TAOK3: variants seen among roughly 807,000 people sequenced by gnomAD.
The protein encoded by TAOK3 is serine/threonine-protein kinase TAO3.
TAOK3 carries 40 observed loss-of-function variants against 120.4 expected under a neutral mutation model. That is an observed-to-expected ratio of 0.33 (90% CI 0.26 to 0.43). TAOK3 has a LOEUF of 0.43. Among genes scored for constraint, TAOK3 ranks in the 20% least tolerant of loss-of-function variants. TAOK3 has a pLI of 1.00. For synonymous variants in TAOK3, 355 were observed against 387.5 expected (o/e 0.92, Z 0.99); for missense variants, 821 against 1,112.1 (o/e 0.74, Z 3.72).
intron 1 of TAOK3, among the ~76,000 whole-genome samples, chr12:118,310,054 C>T (rs988278180): frequency 3.0e-4 from 46 of 152,168 alleles, no homozygotes; most frequent in African/African-American, 8.7e-4. Context: ...GCAGGCAGAT[C>T]GCTTGAGCCC....
At position 118,161,196 on chromosome 12, in the gene TAOK3, C is replaced by T. The variant is rs1382164409; in HGVS notation, c.2139+592G>A. ...TGTGGCAACACTGACAACGTCCTCCCGGATATATAGCAATGGCTTAGTACA... is the reference window on the plus strand; with the variant it reads ...TGTGGCAACACTGACAACGTCCTCCTGGATATATAGCAATGGCTTAGTACA... On this transcript the variant is annotated intron_variant, in intron 18 of 20. Coordinates refer to ENST00000392533, the MANE Select transcript of TAOK3 (RefSeq NM_016281.4). The surrounding 1 kb of genome is among the most constrained non-coding windows in gnomAD (Gnocchi z 4.5). 1.3e-5 allele frequency among the ~76,000 whole-genome samples: 2 copies of T among 152,260 alleles called. No homozygotes were observed. The highest frequency in any genetic ancestry group is 3.4e-3 in the Middle Eastern group (1 of 294).
chr12:118,344,813 T>C lies in TAOK3; in HGVS notation c.-194+27835A>G, dbSNP rs957803328. Among the ~76,000 whole-genome samples the C allele has an allele frequency of 2.0e-5, 3 of 152,218 alleles. No individual in the cohort carries two copies. In the East Asian group the frequency reaches 5.8e-4, roughly 29 times the overall value. On this transcript the variant is annotated intron_variant, in intron 1 of 20. Coordinates refer to ENST00000392533, the MANE Select transcript of TAOK3 (RefSeq NM_016281.4). ...TTATTTTCTGATAATTAATAACATTTATTTTTATTTTTCTCATGCTTTTTC... is the reference window on the plus strand; with the variant it reads ...TTATTTTCTGATAATTAATAACATTCATTTTTATTTTTCTCATGCTTTTTC...
chr12:118,229,045 A>G (rs2039638550), intron 9 of TAOK3, among the ~76,000 whole-genome samples: 2 of 149,594 alleles, frequency 1.3e-5, no homozygotes, highest in Admixed American at 6.7e-5. Context: ...CCTCAGCTTC[A>G]CTTAATCATA....
intron 1 of TAOK3, among the ~76,000 whole-genome samples, chr12:118,340,713 A>G (rs2044579719): frequency 1.3e-5 from 2 of 152,018 alleles, no homozygotes; most frequent in Non-Finnish European, 2.9e-5. Context: ...ATTTTGAAAC[A>G]AATCCTAAAT....
At chr12:118,166,865 C>T (rs1297935806) in intron 17 of TAOK3, among the ~76,000 whole-genome samples, 1 of 151,372 alleles carries the variant, frequency 6.6e-6, no homozygotes, top group Non-Finnish European at 1.5e-5. Context: ...CACACACACA[C>T]ACACACGTAT....
intron 19 of TAOK3, chr12:118,152,903 C>G (rs148934260): frequency 6.5e-6 from 1 of 153,484 alleles, no homozygotes; most frequent in African/African-American, 2.4e-5. Flanking sequence ...TAGTGGTTAT[C>G]ATTATTTCGG....
intron 13 of TAOK3, among the ~76,000 whole-genome samples, chr12:118,191,842 C>T (rs545258746): frequency 3.9e-5 from 6 of 152,190 alleles, no homozygotes; most frequent in Non-Finnish European, 7.4e-5. Flanking sequence ...CTCTTAAATG[C>T]CAGTAATCAA....
chr12:118,206,810 T>C (rs2038341874), intron 11 of TAOK3, among the ~76,000 whole-genome samples: 2 of 151,876 alleles, frequency 1.3e-5, no homozygotes, highest in South Asian at 2.1e-4. Context: ...TTGGCCAAGA[T>C]GGTCTCAATC....
At chr12:118,343,555 C>T (rs1328468969) in intron 1 of TAOK3, among the ~76,000 whole-genome samples, 1 of 151,998 alleles carries the variant, frequency 6.6e-6, no homozygotes, top group Non-Finnish European at 1.5e-5. Flanking sequence ...TTGATATGTG[C>T]AGGGAACTGT....
chr12:118,309,750 A>G (rs936776429), intron 1 of TAOK3, among the ~76,000 whole-genome samples: 2 of 151,922 alleles, frequency 1.3e-5, no homozygotes, highest in South Asian at 4.2e-4. Context: ...TCCTGACCTC[A>G]GGTGATCTGC....
chr12:118,161,746 C>A lies in TAOK3; in HGVS notation c.2139+42G>T. The stretch of plus-strand genomic sequence containing the variant: ...GACTCTGACACTTCAGGTAGAGAAA[C>A]CACTGATCTGGTCCAACACTGTCCA... On this transcript the variant is annotated intron_variant, in intron 18 of 20. Transcript: ENST00000392533. This position sits in a 1 kb window ranked among gnomAD's most constrained non-coding sequence, Gnocchi z 4.5. The A allele has an allele frequency of 6.2e-7, 1 of 1,605,244 alleles. No individual in the cohort carries two copies. The highest frequency in any genetic ancestry group is 8.5e-7 in the Non-Finnish European group (1 of 1,173,962).
At chr12:118,251,694 G>C (rs548576889) in intron 3 of TAOK3, among the ~76,000 whole-genome samples, 19 of 152,236 alleles carry the variant, frequency 1.2e-4, no homozygotes, top group East Asian at 9.6e-4. Context: ...TAAACCACTA[G>C]GTCTTCTGCA....
intron 1 of TAOK3, among the ~76,000 whole-genome samples, chr12:118,275,603 C>G (rs1319669571): frequency 6.6e-6 from 1 of 152,140 alleles, no homozygotes; most frequent in Non-Finnish European, 1.5e-5. Context: ...CTAACATTTT[C>G]TTCAATTACT....
chr12:118,300,863 C>A lies in TAOK3; in HGVS notation c.-193-34104G>T, dbSNP rs573503727. On this transcript the variant is annotated intron_variant, in intron 1 of 20. Transcript: ENST00000392533. ...CAATCTTGGCTCACTACCACCTCTG[C>A]CTCCTGGGTTCAAGCGATTCTCCTG... Among the ~76,000 whole-genome samples, 448 of 152,164 alleles carry A rather than the reference C, an allele frequency of 2.9e-3. 3 individuals carry two copies. Among genetic ancestry groups the A allele is most frequent in the African/African-American group, 0.011 (439 of 41,510 alleles).
rs1003648250 is a variant in TAOK3 at position 118,172,381 on chromosome 12, G to C, written c.1899+76C>G. 2.0e-6 allele frequency: 3 copies of C among 1,475,630 alleles called. No individual in the cohort carries two copies. In the South Asian group the frequency reaches 3.4e-5, roughly 17 times the overall value. 91.4% of individuals were successfully genotyped at this position (1,475,630 alleles called of 1,614,324 possible). ...AGGCTAGGGATATAGGAATGGACCA[G>C]GCAGACATGGTCACAAGCCTCACAT... On this transcript the variant is annotated intron_variant, in intron 17 of 20. Transcript: ENST00000392533.
intron 1 of TAOK3, among the ~76,000 whole-genome samples, chr12:118,318,283 A>G (rs1298324679): frequency 1.3e-5 from 2 of 151,348 alleles, no homozygotes; most frequent in African/African-American, 4.9e-5. Context: ...TTAGCCTCCC[A>G]AGTAGCTGGG....
chr12:118,155,745 T>A (rs1489604072), intron 19 of TAOK3, among the ~76,000 whole-genome samples: 1 of 151,954 alleles, frequency 6.6e-6, no homozygotes, highest in Non-Finnish European at 1.5e-5. Flanking sequence ...ATCTTATTTA[T>A]TTTTTTTAAG....
At chr12:118,246,480 T>A in intron 3 of TAOK3, 1 of 1,551,666 alleles carries the variant, frequency 6.4e-7, no homozygotes, top group East Asian at 2.3e-5. Flanking sequence ...TATCGGGGAC[T>A]ACAATGGCCA....
chr12:118,162,942 T>C (rs1253290088), intron 17 of TAOK3, among the ~76,000 whole-genome samples: 1 of 152,318 alleles, frequency 6.6e-6, no homozygotes, highest in East Asian at 1.9e-4. Context: ...ATAAAAATAT[T>C]TATTAAACCA....
Sources: gnomAD v4.1 joint callset for allele counts (sites outside exome capture counted in the v4.1 genomes callset) on GRCh38, gnomAD v4.1.1 for gene constraint, Gnocchi (gnomAD v3.1) non-coding constraint, MANE v1.5 for transcripts, NCBI Gene and HGNC (gene_info 2026-07-23, HGNC 2026-07-21) for gene names.